HEMK2: variants seen among roughly 807,000 people sequenced by gnomAD.
HEMK2 encodes the protein methyltransferase HEMK2.
chr21:28,585,325 C>T, the HEMK2 span, among the ~76,000 whole-genome samples: 1 of 131,272 alleles, frequency 7.6e-6, no homozygotes, highest in African/African-American at 3.0e-5. Flanking sequence ...GAGCAAGACT[C>T]TGTCTAAATA....
chr21:28,647,605 T>C, the HEMK2 span, among the ~76,000 whole-genome samples: 2 of 151,898 alleles, frequency 1.3e-5, no homozygotes, highest in Non-Finnish European at 2.9e-5. Flanking sequence ...TGGTTCATTA[T>C]GCCTTGGAAT....
the HEMK2 span, among the ~76,000 whole-genome samples, chr21:28,652,446 T>TCCTTCCTCCCTCCCTC: frequency 3.9e-5 from 6 of 152,014 alleles, no homozygotes; most frequent in Non-Finnish European, 7.4e-5. Context: ...CTTCCTTCCT[T>TCCTTCCTCCCTCCCTC]CCTTCCTCCC....
chr21:28,691,513 T>A, the HEMK2 span, among the ~76,000 whole-genome samples: 4 of 152,124 alleles, frequency 2.6e-5, no homozygotes, highest in Admixed American at 2.0e-4. Context: ...CTCTGGTGGG[T>A]TCCTTGAAAT....
At chr21:28,630,967 T>A in the HEMK2 span, among the ~76,000 whole-genome samples, 1 of 152,120 alleles carries the variant, frequency 6.6e-6, no homozygotes, top group South Asian at 2.1e-4. Context: ...TAATGATTAA[T>A]TAAGCTCAGT....
chr21:28,729,022 G>A, the HEMK2 span, among the ~76,000 whole-genome samples: 3 of 152,178 alleles, frequency 2.0e-5, no homozygotes, highest in Non-Finnish European at 2.9e-5. Flanking sequence ...GACTGAGAGT[G>A]TACTCATTTA....
chr21:28,602,301 T>A, the HEMK2 span, among the ~76,000 whole-genome samples: 1 of 152,196 alleles, frequency 6.6e-6, no homozygotes, highest in East Asian at 1.9e-4. Context: ...AAAATGGTTA[T>A]TAAATATCTG....
chr21:28,760,260 T>C, the HEMK2 span, among the ~76,000 whole-genome samples: 1 of 152,202 alleles, frequency 6.6e-6, no homozygotes. Flanking sequence ...GCAGCATATT[T>C]CTAGAGTCAA....
chr21:28,691,564 C>G, the HEMK2 span, among the ~76,000 whole-genome samples: 755 of 152,196 alleles, frequency 5.0e-3, 6 homozygotes, highest in African/African-American at 0.017. Flanking sequence ...TATACATATA[C>G]TGCCCCCGAG....
At chr21:28,648,467 T>A in the HEMK2 span, among the ~76,000 whole-genome samples, 1 of 152,200 alleles carries the variant, frequency 6.6e-6, no homozygotes, top group Non-Finnish European at 1.5e-5. Context: ...GGACCAAGTC[T>A]GCTTTGCCCA....
chr21:28,710,731 G>C, the HEMK2 span, among the ~76,000 whole-genome samples: 1 of 152,170 alleles, frequency 6.6e-6, no homozygotes, highest in African/African-American at 2.4e-5. Flanking sequence ...AAAAGGATCA[G>C]TTATTTTCTT....
chr21:28,605,670 C>T, the HEMK2 span, among the ~76,000 whole-genome samples: 8 of 152,132 alleles, frequency 5.3e-5, no homozygotes, highest in South Asian at 6.2e-4. Flanking sequence ...TATACAGATA[C>T]GTAAACACAT....
the HEMK2 span, among the ~76,000 whole-genome samples, chr21:28,593,299 G>A: frequency 6.6e-6 from 1 of 152,064 alleles, no homozygotes; most frequent in African/African-American, 2.4e-5. Context: ...TCATCTCCAA[G>A]GTATCTCATT....
chr21:28,676,898 CTT>C, the HEMK2 span, among the ~76,000 whole-genome samples: 1 of 152,096 alleles, frequency 6.6e-6, no homozygotes, highest in Non-Finnish European at 1.5e-5. Context: ...GAAAAAATGA[CTT>C]TTAAAATTCT....
the HEMK2 span, chr21:28,874,330 G>C: frequency 1.3e-5 from 2 of 152,240 alleles, no homozygotes; most frequent in Non-Finnish European, 2.9e-5. Flanking sequence ...TCCAGAGTAA[G>C]ATCTATTTCA....
At chr21:28,786,189 C>A in the HEMK2 span, among the ~76,000 whole-genome samples, 1 of 152,212 alleles carries the variant, frequency 6.6e-6, no homozygotes, top group Non-Finnish European at 1.5e-5. Flanking sequence ...AGGCAAATCA[C>A]ACCGCCATGT....
At chr21:28,849,367 A>C in the HEMK2 span, among the ~76,000 whole-genome samples, 1 of 152,160 alleles carries the variant, frequency 6.6e-6, no homozygotes, top group Admixed American at 6.5e-5. Context: ...AACAAAAAAA[A>C]ACCCATCCAA....
the HEMK2 span, among the ~76,000 whole-genome samples, chr21:28,834,194 T>G: frequency 6.6e-6 from 1 of 152,134 alleles, no homozygotes; most frequent in Non-Finnish European, 1.5e-5. Flanking sequence ...GACAGAGCAG[T>G]GTGCAAGGTC....
At chr21:28,677,674 G>C in the HEMK2 span, among the ~76,000 whole-genome samples, 1 of 152,184 alleles carries the variant, frequency 6.6e-6, no homozygotes, top group Non-Finnish European at 1.5e-5. Flanking sequence ...CACCTCACAC[G>C]GCTGGGTATT....
At chr21:28,612,336 G>A in the HEMK2 span, among the ~76,000 whole-genome samples, 1 of 151,996 alleles carries the variant, frequency 6.6e-6, no homozygotes, top group East Asian at 1.9e-4. Flanking sequence ...AAAATCACAT[G>A]ATCATGTCAA....
Sources: allele counts gnomAD v4.1 joint callset (sites outside exome capture counted in the v4.1 genomes callset), GRCh38; gene constraint gnomAD v4.1.1; transcripts MANE v1.5; gene names NCBI Gene and HGNC (gene_info 2026-07-23, HGNC 2026-07-21).